The following EYS variants were observed in gnomAD, a reference collection of about 807,000 sequenced individuals.
EYS encodes the protein protein eyes shut homolog.
EYS carries 250 observed loss-of-function variants against 282.1 expected under a neutral mutation model. The ratio of observed to expected loss-of-function variants is 0.89; its 90% CI spans 0.80 to 0.98. The LOEUF is 0.98. Ranked by LOEUF, EYS falls within the 50% of genes least tolerant of loss-of-function variation. EYS has a pLI of 0.00. For synonymous variants in EYS, 1,355 were observed against 1,282.9 expected (o/e 1.06, Z -1.20); for missense variants, 4,016 against 3,709.0 (o/e 1.08, Z -2.15).
At chr6:65,368,155 A>G (rs935533108) in intron 8 of EYS, among the ~76,000 whole-genome samples, 5 of 151,648 alleles carry the variant, frequency 3.3e-5, no homozygotes, top group Non-Finnish European at 1.5e-5. Flanking sequence ...CTCACTCACT[A>G]TCAGAAGAAC....
At chr6:64,148,572 A>G (rs917850690) in intron 31 of EYS, among the ~76,000 whole-genome samples, 1 of 152,118 alleles carries the variant, frequency 6.6e-6, no homozygotes, top group Non-Finnish European at 1.5e-5. Context: ...TTCCATCAAA[A>G]TAACAGTTGA....
At chr6:65,652,219 G>A (rs891423893) in intron 1 of EYS, among the ~76,000 whole-genome samples, 1 of 152,032 alleles carries the variant, frequency 6.6e-6, no homozygotes, top group African/African-American at 2.4e-5. Context: ...CAATACTGCT[G>A]ACTAAAGGGT....
chr6:64,327,895 T>A (rs1770489765), intron 29 of EYS, among the ~76,000 whole-genome samples: 1 of 152,014 alleles, frequency 6.6e-6, no homozygotes, highest in African/African-American at 2.4e-5. Flanking sequence ...GGCAACACCA[T>A]GCAGAGAGGA....
intron 1 of EYS, among the ~76,000 whole-genome samples, chr6:65,661,998 A>G (rs1165818320): frequency 6.6e-6 from 1 of 152,094 alleles, no homozygotes; most frequent in Non-Finnish European, 1.5e-5. Context: ...CAAAGTTAAT[A>G]ATCACCAGAG....
At chr6:64,326,407 T>A (rs942304599) in intron 29 of EYS, among the ~76,000 whole-genome samples, 7 of 152,174 alleles carry the variant, frequency 4.6e-5, no homozygotes, top group African/African-American at 1.4e-4. Flanking sequence ...ATGTAAGAAA[T>A]GTTGTAATGC....
chr6:64,620,095 C>T (rs575761963), intron 23 of EYS, among the ~76,000 whole-genome samples: 7 of 152,090 alleles, frequency 4.6e-5, no homozygotes, highest in South Asian at 2.1e-4. Context: ...TTAAGCAAAA[C>T]GGACCTGAAT....
At chr6:65,000,077 A>C (rs1771413523) in intron 13 of EYS, among the ~76,000 whole-genome samples, 3 of 152,108 alleles carry the variant, frequency 2.0e-5, no homozygotes, top group Admixed American at 6.6e-5. Context: ...AAAGAGCAAA[A>C]CTAAATGAGC....
chr6:64,239,810 T>C (rs1280461779), intron 30 of EYS, among the ~76,000 whole-genome samples: 1 of 152,222 alleles, frequency 6.6e-6, no homozygotes, highest in Non-Finnish European at 1.5e-5. Flanking sequence ...TTTGGTGTTT[T>C]AGTCATGAAG....
chr6:64,684,324 T>A (rs1770008591), intron 22 of EYS, among the ~76,000 whole-genome samples: 1 of 152,130 alleles, frequency 6.6e-6, no homozygotes, highest in Admixed American at 6.5e-5. Flanking sequence ...AAAATATTTT[T>A]AAAAAATGAA....
chr6:64,451,346 G>A (rs1206163278), intron 26 of EYS, among the ~76,000 whole-genome samples: 1 of 152,086 alleles, frequency 6.6e-6, no homozygotes, highest in South Asian at 2.1e-4. Context: ...ATAACAGGCT[G>A]TGAAATTCAG....
At chr6:64,067,031 A>G (rs9294382) in intron 32 of EYS, among the ~76,000 whole-genome samples, 367 of 152,164 alleles carry the variant, frequency 2.4e-3, no homozygotes, top group African/African-American at 8.4e-3. Flanking sequence ...CTTTTCCCCA[A>G]TCTCATTCTT....
intron 12 of EYS, among the ~76,000 whole-genome samples, chr6:65,253,397 T>C (rs1455113129): frequency 6.6e-6 from 1 of 151,892 alleles, no homozygotes; most frequent in Non-Finnish European, 1.5e-5. Flanking sequence ...TTGAAATATG[T>C]GAAAATAAAA....
intron 12 of EYS, among the ~76,000 whole-genome samples, chr6:65,233,537 G>A (rs1454259884): frequency 6.6e-6 from 1 of 152,076 alleles, no homozygotes; most frequent in African/African-American, 2.4e-5. Flanking sequence ...TTAGCCAGTT[G>A]GAGTTTTACC....
chr6:65,649,557 G>A (rs894004304), intron 1 of EYS, among the ~76,000 whole-genome samples: 80 of 152,244 alleles, frequency 5.3e-4, no homozygotes, highest in African/African-American at 1.9e-3. Flanking sequence ...TGCCAGAAAC[G>A]AGGATTGAAC....
At chr6:65,320,724 T>C (rs1199545893) in intron 11 of EYS, among the ~76,000 whole-genome samples, 5 of 152,204 alleles carry the variant, frequency 3.3e-5, no homozygotes, top group Non-Finnish European at 5.9e-5. Context: ...CTTCAGGGAT[T>C]CTTTTAGCTG....
intron 12 of EYS, among the ~76,000 whole-genome samples, chr6:65,162,435 G>A (rs557868309): frequency 1.3e-5 from 2 of 151,276 alleles, no homozygotes; most frequent in South Asian, 4.1e-4. Flanking sequence ...TTTTGGGAAG[G>A]TAATTCTCAA....
intron 2 of EYS, among the ~76,000 whole-genome samples, chr6:65,576,840 C>T (rs957979286): frequency 6.6e-6 from 1 of 151,538 alleles, no homozygotes; most frequent in Non-Finnish European, 1.5e-5. Context: ...AAAACAAATA[C>T]TTAGGAATAA....
intron 12 of EYS, among the ~76,000 whole-genome samples, chr6:65,241,133 T>C (rs1303378203): frequency 6.6e-6 from 1 of 152,134 alleles, no homozygotes; most frequent in African/African-American, 2.4e-5. Flanking sequence ...TACATAAAAA[T>C]GGAAGATCTT....
chr6:64,627,802 G>A (rs1479842476), intron 22 of EYS, among the ~76,000 whole-genome samples: 1 of 152,150 alleles, frequency 6.6e-6, no homozygotes, highest in Non-Finnish European at 1.5e-5. Flanking sequence ...CTTTAGGGCC[G>A]GGGGCGGTGG....
Sources: allele counts gnomAD v4.1 joint callset (sites outside exome capture counted in the v4.1 genomes callset), GRCh38; gene constraint gnomAD v4.1.1; transcripts MANE v1.5; gene names NCBI Gene and HGNC (gene_info 2026-07-23, HGNC 2026-07-21).